The following VWDE variants were observed in gnomAD, a reference collection of about 807,000 sequenced individuals.
The protein encoded by VWDE is von Willebrand factor D and EGF domain-containing protein.
In VWDE, 207 loss-of-function variants were observed where a neutral mutation model predicts 178.4. The ratio of observed to expected loss-of-function variants is 1.16; its 90% CI spans 1.04 to 1.30. The LOEUF (loss-of-function observed/expected upper bound fraction) is 1.30. Ranked by LOEUF, VWDE falls within the 50% of genes most tolerant of loss-of-function variation. The pLI, the probability that VWDE is intolerant of heterozygous loss-of-function variation, is 0.00. For missense variants in VWDE, 2,287 were observed against 1,901.3 expected (o/e 1.20, Z -3.77); for synonymous variants, 738 against 651.4 (o/e 1.13, Z -2.02).
At chr7:12,395,531 T>A (rs1045379616) in intron 1 of VWDE, among the ~76,000 whole-genome samples, 12 of 152,138 alleles carry the variant, frequency 7.9e-5, no homozygotes, top group Admixed American at 2.6e-4. Flanking sequence ...GCCGAAAATG[T>A]AAGATGTGTA....
At chr7:12,332,270 G>A (rs1327925286) in intron 28 of VWDE, among the ~76,000 whole-genome samples, 1 of 152,080 alleles carries the variant, frequency 6.6e-6, no homozygotes, top group African/African-American at 2.4e-5. Flanking sequence ...GGTTACAGTA[G>A]AACAGGACAT....
intron 12 of VWDE, among the ~76,000 whole-genome samples, chr7:12,367,726 C>T (rs1782939360): frequency 6.6e-6 from 1 of 151,976 alleles, no homozygotes; most frequent in Non-Finnish European, 1.5e-5. Flanking sequence ...GTCCTAAAAT[C>T]ACAGGTTTCA....
At position 12,359,620 on chromosome 7, in the gene VWDE, A is replaced by C. The variant is rs537130559; in HGVS notation, c.3232T>G (p.Cys1078Gly). 3.9e-6 allele frequency: 6 copies of C among 1,550,530 alleles called. No homozygotes were observed. In the East Asian group the frequency reaches 1.5e-4, roughly 38 times the overall value. ...GTAAATCTTGAAATTTTGGGTCTAC[A>C]AATCAAACAAGGGCTGGTTGGATTT... ...DKNPTSPCLI[C>G]RPKISRFTWS... is the part of the protein sequence containing the mutation. The change falls in exon 16 of 29, where the codon TGT becomes GGT. Residue 1078 changes from cysteine (C) to glycine (G), a missense_variant. Cys to Gly is a radical substitution (Grantham distance 159). Transcript: ENST00000275358.
At position 12,367,409 on chromosome 7, in the gene VWDE, C is replaced by G; in HGVS notation, c.2846G>C (p.Gly949Ala). 1 of 1,546,688 alleles carries G rather than the reference C, an allele frequency of 6.5e-7. No homozygotes were observed. The highest frequency in any genetic ancestry group is 8.7e-7 in the Non-Finnish European group (1 of 1,144,464). ...TGAAGGTAATTCTTTGAAGCCTTTG[C>G]CAAAAACTCTCACCATCATACAATT... The part of the protein sequence containing the change: ...KYNCMMVRVF[G>A]KGFKELPSIK... The change falls in exon 13 of 29, where the codon GGC becomes GCC. Residue 949 changes from glycine (G) to alanine (A), a missense_variant. Gly to Ala is a moderately conservative substitution (Grantham distance 60). Coordinates refer to ENST00000275358, the MANE Select transcript of VWDE (RefSeq NM_001135924.3).
At chr7:12,339,135 C>T (rs549517970) in intron 24 of VWDE, among the ~76,000 whole-genome samples, 1 of 152,206 alleles carries the variant, frequency 6.6e-6, no homozygotes, top group South Asian at 2.1e-4. Context: ...CATTGTAAAA[C>T]CTACTCTCTC....
intron 7 of VWDE, among the ~76,000 whole-genome samples, chr7:12,376,563 A>C (rs1264283272): frequency 6.6e-6 from 1 of 152,126 alleles, no homozygotes; most frequent in Non-Finnish European, 1.5e-5. Context: ...GTAACTGAAG[A>C]AAATCTTTGA....
In VWDE at chr7:12,401,927, T is replaced by G. The variant is rs149623098; in HGVS notation, c.58+1732A>C. Among the ~76,000 whole-genome samples the G allele has an allele frequency of 3.7e-4, 57 of 152,252 alleles. No individual in the cohort carries two copies. The East Asian group carries it at 9.6e-3, about 26-fold the overall frequency. ...AACAAATGAATGTACATACAAAATA[T>G]AGTATATCCACACAATGGAACATTA... is the stretch of plus-strand genomic sequence containing the variant. On this transcript the variant is annotated intron_variant, in intron 1 of 28. Coordinates refer to ENST00000275358, the MANE Select transcript of VWDE (RefSeq NM_001135924.3).
chr7:12,390,419 T>C (rs1784331454), intron 2 of VWDE, among the ~76,000 whole-genome samples: 1 of 151,946 alleles, frequency 6.6e-6, no homozygotes, highest in Non-Finnish European at 1.5e-5. Flanking sequence ...GATAAAGTAA[T>C]GTATATAATG....
At position 12,343,099 on chromosome 7, in the gene VWDE, T is replaced by G. The variant is rs1562465259; in HGVS notation, c.4158A>C (p.Gly1386=). ...NLCTCPYGFV[G]PRCETMVCNR... ...TTTGCTTACTTGTTTCACACCTTGG[T>G]CCTACAAAACCATAAGGACAAGTGC... Residue 1386 remains glycine (G), a synonymous_variant, in exon 22 of 29, where the codon GGA becomes GGC. Transcript: ENST00000275358. 19 of 1,549,480 alleles carry G rather than the reference T, an allele frequency of 1.2e-5. No homozygotes were observed. Among genetic ancestry groups the G allele is most frequent in the Non-Finnish European group, 1.7e-5 (19 of 1,145,494 alleles).
intron 5 of VWDE, 76 bp from the exon 6 acceptor site, chr7:12,379,642 C>G (rs1783730635): frequency 9.5e-7 from 1 of 1,051,772 alleles, no homozygotes; most frequent in Non-Finnish European, 1.4e-6. Flanking sequence ...CTTTTAAAAT[C>G]CTAAATTTAA....
chr7:12,369,415 T>TA, intron 12 of VWDE, 130 bp downstream of exon 12: 1 of 1,195,060 alleles, frequency 8.4e-7, no homozygotes, highest in Non-Finnish European at 1.1e-6. Context: ...TGTTCATTAA[T>TA]ATGATTTGGA....
chr7:12,334,764 G>A lies in VWDE; in HGVS notation c.4655-1196C>T, dbSNP rs151120366. 4.2e-3 allele frequency among the ~76,000 whole-genome samples: 639 copies of A among 152,280 alleles called. 23 individuals carry two copies. Among genetic ancestry groups the A allele is most frequent in the Admixed American group, 0.039 (595 of 15,294 alleles). On this transcript the variant is annotated intron_variant, in intron 27 of 28. Coordinates refer to ENST00000275358, the MANE Select transcript of VWDE (RefSeq NM_001135924.3). The stretch of plus-strand genomic sequence containing the variant: ...ACAACCTCAATCTGCAACCACTGAA[G>A]CATATTTCCCCATTAATATGCTTTT...
At chr7:12,365,039 A>G (rs1782784858) in intron 13 of VWDE, among the ~76,000 whole-genome samples, 1 of 152,130 alleles carries the variant, frequency 6.6e-6, no homozygotes, top group African/African-American at 2.4e-5. Context: ...CGAAAGAACC[A>G]AGTGTGCAAA....
chr7:12,364,700 C>A (rs920165493), intron 13 of VWDE, among the ~76,000 whole-genome samples: 1 of 151,992 alleles, frequency 6.6e-6, no homozygotes, highest in Non-Finnish European at 1.5e-5. Context: ...AGAAAATCAC[C>A]ACTGGTAAAT....
rs371837267 is a variant in VWDE, at chr7:12,357,507, G to A, written c.3283C>T (p.Pro1095Ser). ...TCTTGCAATGCTTGAATCACTGGGGGCTGGTTGTCTGTAATAGAGAAAACA... is the reference window on the plus strand; with the variant it reads ...TCTTGCAATGCTTGAATCACTGGGGACTGGTTGTCTGTAATAGAGAAAACA... ...FTWSFLENNQ[P>S]PVIQALQDKL... is the part of the protein sequence containing the mutation. The change falls in exon 17 of 29, where the codon CCC (proline) becomes TCC (serine). Residue 1095 changes from proline to serine, a missense_variant. Transcript: ENST00000275358. 1 of 1,552,034 alleles carries A rather than the reference G, an allele frequency of 6.4e-7. No homozygotes were observed. Among genetic ancestry groups the A allele is most frequent in the East Asian group, 2.4e-5 (1 of 40,888 alleles).
At chr7:12,386,954 T>A (rs1312091742) in intron 3 of VWDE, among the ~76,000 whole-genome samples, 1 of 152,202 alleles carries the variant, frequency 6.6e-6, no homozygotes, top group Non-Finnish European at 1.5e-5. Flanking sequence ...TTATTATACT[T>A]GTGGAATACT....
chr7:12,395,518 A>G (rs1784580248), intron 1 of VWDE, among the ~76,000 whole-genome samples: 1 of 152,180 alleles, frequency 6.6e-6, no homozygotes, highest in Non-Finnish European at 1.5e-5. Context: ...TTCCTAATAC[A>G]AAGCCGAAAA....
chr7:12,373,777 C>G (rs904600811), intron 9 of VWDE, among the ~76,000 whole-genome samples: 1 of 152,040 alleles, frequency 6.6e-6, no homozygotes, highest in Non-Finnish European at 1.5e-5. Context: ...GGCTTTTCAC[C>G]TAGTTGTTGC....
Position 12,380,549 on chromosome 7 carries a change from C to T in VWDE, c.726G>A (p.Glu242=). The change falls in exon 5 of 29, where the codon GAG becomes GAA. Residue 242 remains glutamate, a synonymous_variant. Transcript: ENST00000275358. The part of the protein sequence containing the change: ...SQEVKEELTQ[E]TTVQAFSLLE... ...AAAGAGAGAATGCCTGAACTGTGGT[C>T]TCTTGTGTCAGCTCCTCTTTGACTT... 6.4e-7 allele frequency: 1 copy of T among 1,552,100 alleles called. No homozygotes were observed. Among genetic ancestry groups the T allele is most frequent in the Non-Finnish European group, 8.7e-7 (1 of 1,147,100 alleles).
Sources: gnomAD v4.1 joint callset for allele counts (sites outside exome capture counted in the v4.1 genomes callset) on GRCh38, gnomAD v4.1.1 for gene constraint, MANE v1.5 for transcripts, NCBI Gene and HGNC (gene_info 2026-07-23, HGNC 2026-07-21) for gene names.